The following INSC variants were observed in gnomAD, a reference collection of about 807,000 sequenced individuals.
The protein encoded by INSC is INSC spindle orientation adaptor protein.
In INSC, 67 loss-of-function variants were observed where a neutral mutation model predicts 58.6. The ratio of observed to expected loss-of-function variants is 1.14; its 90% CI spans 0.94 to 1.40. The LOEUF (loss-of-function observed/expected upper bound fraction) is 1.40. Among genes scored for constraint, INSC ranks in the 40% most tolerant of loss-of-function variants. The pLI is 0.00. For missense variants in INSC, 714 were observed against 692.0 expected, an observed-to-expected ratio of 1.03 and a Z score of -0.36; for synonymous variants, 262 against 276.1, an observed-to-expected ratio of 0.95 and a Z score of 0.51.
downstream of INSC, among the ~76,000 whole-genome samples, chr11:15,249,670 C>T (rs4757302): frequency 0.027 from 4,120 of 152,264 alleles, 146 homozygotes; most frequent in East Asian, 0.1. Flanking sequence ...TTGGTGGTTC[C>T]TGGAGATGGG....
intron 2 of INSC, among the ~76,000 whole-genome samples, chr11:15,169,666 C>T (rs1057298350): frequency 2.0e-5 from 3 of 151,920 alleles, no homozygotes; most frequent in African/African-American, 4.8e-5. Flanking sequence ...CTCAACCTCC[C>T]GAGTAGCTGG....
chr11:15,200,816 C>T lies in INSC; in HGVS notation c.694-8C>T. On this transcript the variant is annotated splice_polypyrimidine_tract_variant and splice_region_variant and intron_variant, in intron 6 of 12. Coordinates refer to ENST00000379556, the MANE Select transcript of INSC (RefSeq NM_001042536.3). ...GTAAGATGATGTGACATTTCTTTCTCTTGGCAGGAGGGTGGGGTCGTAGCA... is the reference window on the plus strand; with the variant it reads ...GTAAGATGATGTGACATTTCTTTCTTTTGGCAGGAGGGTGGGGTCGTAGCA... 5 of 1,614,004 alleles carry T rather than the reference C, an allele frequency of 3.1e-6. No individual in the cohort carries two copies. The highest frequency in any genetic ancestry group is 4.2e-6 in the Non-Finnish European group (5 of 1,179,978).
At chr11:15,151,413 C>T (rs922175996) in intron 2 of INSC, among the ~76,000 whole-genome samples, 1 of 152,110 alleles carries the variant, frequency 6.6e-6, no homozygotes, top group African/African-American at 2.4e-5. Context: ...GTAATAATCT[C>T]TCTCCCTCCC....
chr11:15,144,960 A>T lies in INSC; in HGVS notation c.-45-4170A>T, dbSNP rs1315945613. Reference sequence around the variant, plus strand: ...CTACATAGCCCAGAGCCCTGAAGAAACAAGGCTGCAGGATCCATGGTGGGA... The same window carrying T: ...CTACATAGCCCAGAGCCCTGAAGAATCAAGGCTGCAGGATCCATGGTGGGA... On this transcript the variant is annotated intron_variant, in intron 1 of 12. Coordinates refer to ENST00000379556, the MANE Select transcript of INSC (RefSeq NM_001042536.3). Among the ~76,000 whole-genome samples, 6 of 152,352 alleles carry T rather than the reference A, an allele frequency of 3.9e-5. No individual in the cohort carries two copies. In the South Asian group the frequency reaches 6.2e-4, roughly 16 times the overall value.
chr11:15,200,702 G>T, intron 6 of INSC, 122 bp from the exon 7 acceptor site: 1 of 1,247,636 alleles, frequency 8.0e-7, no homozygotes, highest in Non-Finnish European at 1.1e-6. Flanking sequence ...GTGGGGCGGG[G>T]GTTGCTGGAG....
chr11:15,240,304 A>G, intron 11 of INSC, 143 bp from the exon 12 acceptor site: 1 of 674,532 alleles, frequency 1.5e-6, no homozygotes, highest in East Asian at 2.7e-5. Context: ...CTGAGGGAGT[A>G]GTAAGTTTCC....
chr11:15,175,707 T>G, intron 2 of INSC, 34 bp from the exon 3 acceptor site: 1 of 1,484,498 alleles, frequency 6.7e-7, no homozygotes. Flanking sequence ...CATGGGGTGT[T>G]GATAATTATC....
intron 2 of INSC, among the ~76,000 whole-genome samples, chr11:15,165,690 C>T (rs1220167745): frequency 6.6e-6 from 1 of 152,122 alleles, no homozygotes; most frequent in Admixed American, 6.5e-5. Context: ...ATGAATGTAA[C>T]AGTCTGAGAT....
intron 2 of INSC, among the ~76,000 whole-genome samples, chr11:15,154,996 C>G (rs769927485): frequency 1.8e-4 from 27 of 152,154 alleles, no homozygotes; most frequent in Non-Finnish European, 2.9e-4. Context: ...GTGCCCTGTT[C>G]AGGTTTTATA....
At chr11:15,144,125 G>C (rs1848436844) in intron 1 of INSC, among the ~76,000 whole-genome samples, 1 of 152,170 alleles carries the variant, frequency 6.6e-6, no homozygotes, top group Non-Finnish European at 1.5e-5. Context: ...CAAGTGCCTG[G>C]CTTTTTAAGT....
chr11:15,268,185 C>A, the INSC span, among the ~76,000 whole-genome samples: 118 of 152,114 alleles, frequency 7.8e-4, no homozygotes, highest in African/African-American at 2.8e-3. Flanking sequence ...TGTCTGAAAA[C>A]AATTGATTTG....
chr11:15,122,497 G>T (rs1847897422), intron 1 of INSC, among the ~76,000 whole-genome samples: 1 of 152,290 alleles, frequency 6.6e-6, no homozygotes, highest in Non-Finnish European at 1.5e-5. Flanking sequence ...AACTCAATGT[G>T]TCCAAAACAG....
the INSC span, among the ~76,000 whole-genome samples, chr11:15,266,514 G>T: frequency 6.6e-6 from 1 of 152,022 alleles, no homozygotes; most frequent in East Asian, 1.9e-4. Flanking sequence ...ATGAGGTGCT[G>T]TAAGAAAGGC....
chr11:15,155,130 A>G (rs760189227), intron 2 of INSC, among the ~76,000 whole-genome samples: 2 of 152,222 alleles, frequency 1.3e-5, no homozygotes, highest in Non-Finnish European at 2.9e-5. Flanking sequence ...AACATTCTGC[A>G]AAATTTGAGC....
chr11:15,136,803 A>T (rs1417882589), intron 1 of INSC, among the ~76,000 whole-genome samples: 1 of 152,162 alleles, frequency 6.6e-6, no homozygotes, highest in Non-Finnish European at 1.5e-5. Context: ...TGAGGATTGG[A>T]ATCAACTTCT....
Position 15,177,177 on chromosome 11 carries a change from A to G in INSC, c.455+14A>G, listed in dbSNP as rs200429718. 16 of 1,612,358 alleles carry G rather than the reference A, an allele frequency of 9.9e-6. No individual in the cohort carries two copies. The highest frequency in any genetic ancestry group is 1.4e-5 in the Non-Finnish European group (16 of 1,178,570). ...AGTCACAGAGAGGTAAATTTGGACC[A>G]TAGATCTCCCAGGGTCTGCCCACCC... On this transcript the variant is annotated intron_variant, in intron 4 of 12. Transcript: ENST00000379556.
At chr11:15,268,717 G>A in the INSC span, among the ~76,000 whole-genome samples, 1 of 152,006 alleles carries the variant, frequency 6.6e-6, no homozygotes, top group Admixed American at 6.6e-5. Flanking sequence ...GTTCACATCA[G>A]GATTGGCCAA....
intron 1 of INSC, among the ~76,000 whole-genome samples, chr11:15,126,315 GC>G (rs1847993744): frequency 6.6e-6 from 1 of 152,188 alleles, no homozygotes; most frequent in Non-Finnish European, 1.5e-5. Flanking sequence ...ATGGTGTGGG[GC>G]TTTATGGCTA....
At chr11:15,262,972 A>T in the INSC span, among the ~76,000 whole-genome samples, 1 of 152,158 alleles carries the variant, frequency 6.6e-6, no homozygotes, top group Non-Finnish European at 1.5e-5. Flanking sequence ...GAGAAATACA[A>T]AGTGAATTCA....
Sources: gnomAD v4.1 joint callset for allele counts (sites outside exome capture counted in the v4.1 genomes callset) on GRCh38, gnomAD v4.1.1 for gene constraint, MANE v1.5 for transcripts, NCBI Gene and HGNC (gene_info 2026-07-23, HGNC 2026-07-21) for gene names.